The following TENM3 variants were observed in gnomAD, a reference collection of about 807,000 sequenced individuals.
TENM3 encodes the protein teneurin transmembrane protein 3.
In TENM3, 63 loss-of-function variants were observed where a neutral mutation model predicts 255.1. The observed-to-expected ratio is 0.25, with a 90% CI of 0.20 to 0.30. The LOEUF is 0.30. Ranked by LOEUF, TENM3 falls within the 10% of genes least tolerant of loss-of-function variation. The probability of loss-of-function intolerance (pLI) is 1.00; values close to 1 mark genes in which losing one functional copy is unlikely to be tolerated. For synonymous variants in TENM3, 1,306 were observed against 1,322.3 expected, an observed-to-expected ratio of 0.99 and a Z score of 0.27; for missense variants, 2,929 against 3,461.1, an observed-to-expected ratio of 0.85 and a Z score of 3.86.
intron 13 of TENM3, among the ~76,000 whole-genome samples, chr4:182,724,304 T>C (rs1194562722): frequency 1.3e-5 from 2 of 152,228 alleles, no homozygotes; most frequent in African/African-American, 2.4e-5. Flanking sequence ...TACTACACTA[T>C]ACATTTGGGC....
At chr4:181,844,769 C>T in the TENM3 span, among the ~76,000 whole-genome samples, 1 of 152,160 alleles carries the variant, frequency 6.6e-6, no homozygotes, top group African/African-American at 2.4e-5. Flanking sequence ...ATGACAATCT[C>T]CCAAGATGCT....
chr4:181,859,573 A>G, the TENM3 span, among the ~76,000 whole-genome samples: 1 of 152,138 alleles, frequency 6.6e-6, no homozygotes, highest in Non-Finnish European at 1.5e-5. Context: ...CAGAGGTGCA[A>G]TATGTTTTAT....
At chr4:181,449,960 A>T in the TENM3 span, among the ~76,000 whole-genome samples, 2 of 152,190 alleles carry the variant, frequency 1.3e-5, no homozygotes, top group Non-Finnish European at 2.9e-5. Context: ...GAGCAAAATG[A>T]TATGGTACAT....
intron 1 of TENM3, among the ~76,000 whole-genome samples, chr4:182,254,779 C>T (rs773289535): frequency 1.3e-5 from 2 of 151,984 alleles, no homozygotes; most frequent in African/African-American, 2.4e-5. Flanking sequence ...TTCAGATTTC[C>T]GGAGACATGT....
chr4:182,252,828 A>T (rs979652182), intron 1 of TENM3, among the ~76,000 whole-genome samples: 1 of 152,184 alleles, frequency 6.6e-6, no homozygotes, highest in Non-Finnish European at 1.5e-5. Context: ...ATCACATTGC[A>T]ACAGTCACAA....
At chr4:182,008,528 C>T in the TENM3 span, among the ~76,000 whole-genome samples, 1 of 151,814 alleles carries the variant, frequency 6.6e-6, no homozygotes, top group Non-Finnish European at 1.5e-5. Flanking sequence ...GTCTATTCGA[C>T]TGTTGATACT....
chr4:181,815,695 T>G, the TENM3 span, among the ~76,000 whole-genome samples: 1 of 152,130 alleles, frequency 6.6e-6, no homozygotes, highest in Non-Finnish European at 1.5e-5. Flanking sequence ...GCTGTCATTT[T>G]CCAAGAAATA....
intron 25 of TENM3, among the ~76,000 whole-genome samples, chr4:182,790,521 G>A (rs1243095473): frequency 6.6e-6 from 1 of 152,142 alleles, no homozygotes; most frequent in African/African-American, 2.4e-5. Context: ...CAGTTCCAAA[G>A]CTCACTGTAG....
chr4:181,974,857 G>C, the TENM3 span, among the ~76,000 whole-genome samples: 47 of 152,308 alleles, frequency 3.1e-4, no homozygotes, highest in African/African-American at 1.1e-3. Flanking sequence ...ATGGTGGAGA[G>C]TGTAATTGGC....
the TENM3 span, among the ~76,000 whole-genome samples, chr4:181,647,310 T>A: frequency 1.3e-5 from 2 of 152,212 alleles, no homozygotes; most frequent in African/African-American, 4.8e-5. Flanking sequence ...GTCTCCATGA[T>A]GAATTCCAAA....
chr4:181,993,076 A>T, the TENM3 span, among the ~76,000 whole-genome samples: 4 of 152,274 alleles, frequency 2.6e-5, no homozygotes, highest in East Asian at 7.7e-4. Context: ...ATTGCCTGTA[A>T]GGACTTTTGT....
intron 1 of TENM3, among the ~76,000 whole-genome samples, chr4:182,263,019 C>T (rs1215029592): frequency 2.0e-5 from 3 of 152,092 alleles, no homozygotes; most frequent in African/African-American, 7.2e-5. Flanking sequence ...ACTGTGGACT[C>T]GCCCTGAATT....
chr4:182,784,108 C>T (rs1765408093), intron 24 of TENM3, among the ~76,000 whole-genome samples: 1 of 152,182 alleles, frequency 6.6e-6, no homozygotes, highest in Non-Finnish European at 1.5e-5. Flanking sequence ...GAACTGCATT[C>T]CTTTGGAGGA....
chr4:182,337,379 C>A (rs1456313711), intron 2 of TENM3, among the ~76,000 whole-genome samples: 1 of 151,942 alleles, frequency 6.6e-6, no homozygotes, highest in Non-Finnish European at 1.5e-5. Flanking sequence ...TTAAAATGGG[C>A]AAAAAACTTT....
chr4:182,329,219 C>T (rs1763607681), intron 2 of TENM3, among the ~76,000 whole-genome samples: 1 of 152,144 alleles, frequency 6.6e-6, no homozygotes, highest in Non-Finnish European at 1.5e-5. Context: ...CAAGTGTTTT[C>T]CGCTTTGTGC....
chr4:182,402,227 G>C (rs186240083), intron 3 of TENM3, among the ~76,000 whole-genome samples: 13 of 152,220 alleles, frequency 8.5e-5, no homozygotes, highest in African/African-American at 2.6e-4. Flanking sequence ...TGCACAGGTC[G>C]TTTATTTTGC....
the TENM3 span, among the ~76,000 whole-genome samples, chr4:181,533,384 G>A: frequency 6.6e-6 from 1 of 152,168 alleles, no homozygotes; most frequent in Non-Finnish European, 1.5e-5. Context: ...TCTCCTGGGT[G>A]CAGTGGATGA....
the TENM3 span, among the ~76,000 whole-genome samples, chr4:181,942,146 C>T: frequency 6.6e-6 from 1 of 152,098 alleles, no homozygotes; most frequent in South Asian, 2.1e-4. Context: ...CTAATCTCTG[C>T]GTGCCAACTG....
chr4:181,651,303 A>G, the TENM3 span, among the ~76,000 whole-genome samples: 1 of 152,244 alleles, frequency 6.6e-6, no homozygotes, highest in Non-Finnish European at 1.5e-5. Flanking sequence ...GCAGCAGTGT[A>G]TAATTCCAAC....
Sources: allele counts gnomAD v4.1 joint callset (sites outside exome capture counted in the v4.1 genomes callset), GRCh38; gene constraint gnomAD v4.1.1; transcripts MANE v1.5; gene names NCBI Gene and HGNC (gene_info 2026-07-23, HGNC 2026-07-21).